The following RANBP10 variants were observed in gnomAD, a reference collection of about 807,000 sequenced individuals.
RANBP10 encodes the protein ran-binding protein 10.
In RANBP10, 24 loss-of-function variants were observed where a neutral mutation model predicts 72.8. The observed-to-expected ratio is 0.33, with a 90% CI of 0.24 to 0.46. The LOEUF is 0.46. RANBP10 is among the 20% of genes least tolerant of loss of function. The pLI, the probability that RANBP10 is intolerant of heterozygous loss-of-function variation, is 1.00. For missense variants in RANBP10, 679 were observed against 817.5 expected, an observed-to-expected ratio of 0.83 and a Z score of 2.07; for synonymous variants, 310 against 322.3, an observed-to-expected ratio of 0.96 and a Z score of 0.41.
chr16:67,737,900 C>T (rs1597836172), intron 5 of RANBP10, 113 bp downstream of exon 5: 6 of 1,372,408 alleles, frequency 4.4e-6, no homozygotes, highest in Non-Finnish European at 6.1e-6. Flanking sequence ...TGGCACACAT[C>T]CCTGGTTGGG....
chr16:67,740,556 G>T (rs2143004935), intron 4 of RANBP10, among the ~76,000 whole-genome samples: 1 of 152,180 alleles, frequency 6.6e-6, no homozygotes, highest in East Asian at 1.9e-4. Context: ...ATTCTATTTT[G>T]GGTCTGACAA....
chr16:67,780,188 C>T (rs1196501265), intron 2 of RANBP10, among the ~76,000 whole-genome samples: 1 of 152,044 alleles, frequency 6.6e-6, no homozygotes, highest in African/African-American at 2.4e-5. Context: ...GCCGAGATTG[C>T]GCCATTGCAC....
intron 2 of RANBP10, among the ~76,000 whole-genome samples, chr16:67,774,185 A>G (rs1162076516): frequency 2.0e-5 from 3 of 152,206 alleles, no homozygotes; most frequent in Non-Finnish European, 4.4e-5. Context: ...TTTAGACAAC[A>G]GCCACTCACC....
chr16:67,778,303 C>G (rs530533259), intron 2 of RANBP10, among the ~76,000 whole-genome samples: 1 of 151,820 alleles, frequency 6.6e-6, no homozygotes, highest in South Asian at 2.1e-4. Flanking sequence ...AAGCCAAGAT[C>G]GCGCCACTGC....
In RANBP10 at chr16:67,723,918, G is replaced by A. The variant is rs1423480391; in HGVS notation, c.*2510C>T. 2 of 152,592 alleles carry A rather than the reference G, an allele frequency of 1.3e-5. No individual in the cohort carries two copies. The highest frequency in any genetic ancestry group is 2.9e-5 in the Non-Finnish European group (2 of 68,130). 9.5% of individuals were successfully genotyped at this position (152,592 alleles called of 1,614,324 possible). ...GGTTTTGGCCCTCTCCACAGCTTGT[G>A]GGGCAAAGGCTTATGTCCCAAAGGT... is the stretch of plus-strand genomic sequence containing the variant. On this transcript the variant is annotated 3_prime_UTR_variant, in exon 14 of 14. Coordinates refer to ENST00000317506, the MANE Select transcript of RANBP10 (RefSeq NM_020850.3).
intron 2 of RANBP10, among the ~76,000 whole-genome samples, chr16:67,791,164 C>T (rs900460433): frequency 6.6e-6 from 1 of 151,900 alleles, no homozygotes; most frequent in South Asian, 2.1e-4. Flanking sequence ...TAGGCGTGTG[C>T]GACCACGCCT....
chr16:67,785,293 G>A (rs779186835), intron 2 of RANBP10, among the ~76,000 whole-genome samples: 1 of 151,938 alleles, frequency 6.6e-6, no homozygotes, highest in Non-Finnish European at 1.5e-5. Context: ...AAAAAGGAAA[G>A]AGCCAAAACC....
intron 2 of RANBP10, among the ~76,000 whole-genome samples, chr16:67,782,395 T>C (rs997872278): frequency 2.0e-5 from 3 of 152,132 alleles, no homozygotes; most frequent in Non-Finnish European, 4.4e-5. Context: ...CCAAAATGCT[T>C]GGATTACAAG....
chr16:67,770,956 G>T (rs1444745731), intron 3 of RANBP10, among the ~76,000 whole-genome samples: 2 of 151,616 alleles, frequency 1.3e-5, no homozygotes, highest in African/African-American at 4.8e-5. Context: ...TGTCTCAAAA[G>T]AAAAATAATA....
intron 3 of RANBP10, among the ~76,000 whole-genome samples, chr16:67,748,190 C>G (rs2054124664): frequency 6.6e-6 from 1 of 151,778 alleles, no homozygotes; most frequent in South Asian, 2.1e-4. Context: ...TGTTGACTCT[C>G]TAGATCAATT....
intron 3 of RANBP10, among the ~76,000 whole-genome samples, chr16:67,767,523 A>T (rs1388239430): frequency 1.4e-5 from 2 of 144,660 alleles, no homozygotes; most frequent in Non-Finnish European, 3.0e-5. Context: ...GTACTTTAGG[A>T]GGCCTAGATG....
At position 67,780,925 on chromosome 16, in the gene RANBP10, C is replaced by T. The variant is rs148931572; in HGVS notation, c.348-8839G>A. 2.8e-4 allele frequency among the ~76,000 whole-genome samples: 43 copies of T among 152,350 alleles called. No homozygotes were observed. In the East Asian group the frequency reaches 6.9e-3, roughly 25 times the overall value. On this transcript the variant is annotated intron_variant, in intron 2 of 13. Transcript: ENST00000317506. ...CTCTCTAGCCCTGGCATTGATGCCACGCACACACATCTCAGAACACAGCTC... is the reference window on the plus strand; with the variant it reads ...CTCTCTAGCCCTGGCATTGATGCCATGCACACACATCTCAGAACACAGCTC...
In RANBP10 at chr16:67,730,003, G is replaced by C. The variant is rs1454592564; in HGVS notation, c.933C>G (p.Ile311Met). The change falls in exon 8 of 14, where the codon ATC (isoleucine) becomes ATG (methionine). Residue 311 changes from isoleucine (I) to methionine (M), a missense_variant. Transcript: ENST00000317506. The surrounding 1 kb of genome is among the most constrained non-coding windows in gnomAD (Gnocchi z 4.3). ...LVLEGRVGEA[I>M]ETTQRFYPGL... is the part of the protein sequence containing the mutation. ...CTGGGTAGAAGCGCTGGGTGGTCTC[G>C]ATGGCCTCGCCCACACGGCCCTCCA... is the stretch of plus-strand genomic sequence containing the variant. 1 of 1,613,436 alleles carries C rather than the reference G, an allele frequency of 6.2e-7. No homozygotes were observed. The highest frequency in any genetic ancestry group is 1.7e-5 in the Admixed American group (1 of 60,022).
At chr16:67,728,316 C>G in intron 11 of RANBP10, 74 bp downstream of exon 11, 1 of 1,531,552 alleles carries the variant, frequency 6.5e-7, no homozygotes, top group Non-Finnish European at 9.0e-7. Context: ...CCTACCCCAG[C>G]CCCTCCCAGG....
chr16:67,792,654 G>A (rs981218670), intron 2 of RANBP10, among the ~76,000 whole-genome samples: 5 of 151,202 alleles, frequency 3.3e-5, no homozygotes, highest in African/African-American at 7.3e-5. Context: ...ATGGTGGTAC[G>A]CACCTATAGT....
At chr16:67,726,661 T>C in intron 13 of RANBP10, 103 bp from the exon 14 acceptor site, 1 of 1,341,798 alleles carries the variant, frequency 7.5e-7, no homozygotes, top group Non-Finnish European at 1.0e-6. Flanking sequence ...CAGATTCTCT[T>C]GGAACAGAGT....
chr16:67,795,880 CAAAT>C (rs969272979), intron 2 of RANBP10, among the ~76,000 whole-genome samples: 17 of 147,564 alleles, frequency 1.2e-4, no homozygotes, highest in Non-Finnish European at 1.5e-4. Context: ...AACAAACAAA[CAAAT>C]GTTTTCTATA....
chr16:67,726,155 A>C lies in RANBP10; in HGVS notation c.*273T>G. ...AACCCCAACCCCTCCTCAAAACAAA[A>C]CCCCCCTTTCAAAATAGAAGGCGCT... On this transcript the variant is annotated 3_prime_UTR_variant, in exon 14 of 14. Coordinates refer to ENST00000317506, the MANE Select transcript of RANBP10 (RefSeq NM_020850.3). 1 of 381,492 alleles carries C rather than the reference A, an allele frequency of 2.6e-6. No homozygotes were observed. Among genetic ancestry groups the C allele is most frequent in the Non-Finnish European group, 4.9e-6 (1 of 205,942 alleles). The allele number at this position is 381,492 out of a possible 1,614,324, so 23.6% of individuals were successfully genotyped here.
At chr16:67,728,604 G>A (rs758090371) in intron 10 of RANBP10, 93 bp from the exon 11 acceptor site, 3 of 1,598,438 alleles carry the variant, frequency 1.9e-6, no homozygotes, top group South Asian at 2.2e-5. Context: ...ATGGGTTGCT[G>A]TGGGTGAACC....
Sources: gnomAD v4.1 joint callset for allele counts (sites outside exome capture counted in the v4.1 genomes callset) on GRCh38, gnomAD v4.1.1 for gene constraint, Gnocchi (gnomAD v3.1) non-coding constraint, MANE v1.5 for transcripts, NCBI Gene and HGNC (gene_info 2026-07-23, HGNC 2026-07-21) for gene names.